The following IFT81 variants were observed in gnomAD, a reference collection of about 807,000 sequenced individuals.
IFT81 encodes the protein intraflagellar transport protein 81 homolog.
IFT81 carries 72 observed loss-of-function variants against 102.6 expected under a neutral mutation model. The observed-to-expected ratio is 0.70, with a 90% CI of 0.58 to 0.85. The LOEUF is 0.85. Among genes scored for constraint, IFT81 ranks in the 40% least tolerant of loss-of-function variants. The pLI, the probability that IFT81 is intolerant of heterozygous loss-of-function variation, is 0.00. For missense variants in IFT81, 723 were observed against 787.3 expected (o/e 0.92, Z 0.98); for synonymous variants, 237 against 242.7 (o/e 0.98, Z 0.22).
chr12:110,192,663 C>A lies in IFT81; in HGVS notation c.1514C>A (p.Ala505Asp). 1.3e-6 allele frequency: 2 copies of A among 1,590,656 alleles called. No individual in the cohort carries two copies. The highest frequency in any genetic ancestry group is 8.6e-7 in the Non-Finnish European group (1 of 1,169,154). ...SLVSEKKSAL[A>D]SVIKELRQLR... ...GTATCTGAAAAGAAGTCAGCTCTTG[C>A]CTCAGTTATAAAAGAGCTACGACAG... The change falls in exon 14 of 19, where the codon GCC becomes GAC. Residue 505 changes from alanine (A) to aspartate (D), a missense_variant. Ala to Asp is a moderately radical substitution (Grantham distance 126). Transcript: ENST00000242591.
At chr12:110,200,096 T>C (rs1898193950) in intron 14 of IFT81, among the ~76,000 whole-genome samples, 1 of 152,208 alleles carries the variant, frequency 6.6e-6, no homozygotes, top group South Asian at 2.1e-4. Context: ...TTCTTTTATT[T>C]CTTTGAGAGT....
At position 110,192,682 on chromosome 12, in the gene IFT81, A is replaced by G. The variant is rs1897849763; in HGVS notation, c.1533A>G (p.Leu511=). 2.5e-6 allele frequency: 4 copies of G among 1,584,956 alleles called. No individual in the cohort carries two copies. The highest frequency in any genetic ancestry group is 3.4e-6 in the Non-Finnish European group (4 of 1,164,608). Reference sequence around the variant, plus strand: ...CTCTTGCCTCAGTTATAAAAGAGCTACGACAGTTGCGTCAAAAATATCAAG... The same window carrying G: ...CTCTTGCCTCAGTTATAAAAGAGCTGCGACAGTTGCGTCAAAAATATCAAG... The part of the protein sequence containing the change: ...KSALASVIKE[L]RQLRQKYQEL... Residue 511 remains leucine (L), a synonymous_variant, in exon 14 of 19, where the codon CTA becomes CTG. Transcript: ENST00000242591.
chr12:110,204,107 G>T, intron 15 of IFT81, 157 bp downstream of exon 15: 1 of 567,442 alleles, frequency 1.8e-6, no homozygotes, highest in Non-Finnish European at 3.1e-6. Flanking sequence ...TCTAGCCTGG[G>T]CCACAGAGCA....
chr12:110,196,794 T>G (rs773481313), intron 14 of IFT81, among the ~76,000 whole-genome samples: 1 of 152,246 alleles, frequency 6.6e-6, no homozygotes, highest in Non-Finnish European at 1.5e-5. Flanking sequence ...AGAGTATTAT[T>G]TTGTCTACTA....
chr12:110,154,605 T>C (rs1895733336), intron 10 of IFT81, among the ~76,000 whole-genome samples: 1 of 139,462 alleles, frequency 7.2e-6, no homozygotes. Context: ...ACAGCCTGGG[T>C]GACAGAGCAA....
At chr12:110,158,229 A>T (rs955109051) in intron 10 of IFT81, among the ~76,000 whole-genome samples, 4 of 151,508 alleles carry the variant, frequency 2.6e-5, no homozygotes, top group Non-Finnish European at 5.9e-5. Context: ...TACAAAAATT[A>T]GCCATCACAC....
chr12:110,175,565 A>C (rs1429427771), intron 11 of IFT81, among the ~76,000 whole-genome samples: 1 of 152,194 alleles, frequency 6.6e-6, no homozygotes. Context: ...ATGTTTAGAA[A>C]TTTTTTAAAA....
chr12:110,183,714 C>A (rs953700068), intron 12 of IFT81, among the ~76,000 whole-genome samples: 2 of 152,182 alleles, frequency 1.3e-5, no homozygotes, highest in African/African-American at 4.8e-5. Flanking sequence ...CTTTCCTAGA[C>A]CTCCTTGTCC....
chr12:110,131,970 A>G (rs1053261349), intron 4 of IFT81, among the ~76,000 whole-genome samples: 3 of 152,216 alleles, frequency 2.0e-5, no homozygotes, highest in Admixed American at 2.0e-4. Flanking sequence ...ATGTTCAGGA[A>G]CTCAGACATC....
chr12:110,139,953 C>T (rs1270970213), intron 8 of IFT81, among the ~76,000 whole-genome samples: 1 of 151,052 alleles, frequency 6.6e-6, no homozygotes, highest in East Asian at 1.9e-4. Context: ...ATAGTCCTAG[C>T]TGTCCAGGAG....
intron 8 of IFT81, 29 bp from the exon 9 acceptor site, chr12:110,143,353 C>G (rs1004362483): frequency 2.2e-5 from 27 of 1,201,122 alleles, no homozygotes; most frequent in Non-Finnish European, 2.7e-5. Flanking sequence ...CTCTTTTGGG[C>G]TGAATATTTA....
intron 9 of IFT81, among the ~76,000 whole-genome samples, chr12:110,146,577 A>G (rs773054801): frequency 1.6e-4 from 25 of 152,240 alleles, no homozygotes; most frequent in African/African-American, 6.0e-4. Flanking sequence ...CTGTGTAATT[A>G]TATGTCATGA....
chr12:110,136,648 C>T (rs1317582080), intron 7 of IFT81, 128 bp from the exon 8 acceptor site: 15 of 443,648 alleles, frequency 3.4e-5, no homozygotes, highest in South Asian at 2.5e-4. Flanking sequence ...GGGAATTTTC[C>T]GAGTTCTTAT....
intron 12 of IFT81, among the ~76,000 whole-genome samples, chr12:110,186,570 G>C (rs1593351575): frequency 6.6e-6 from 1 of 152,142 alleles, no homozygotes; most frequent in Non-Finnish European, 1.5e-5. Context: ...CTGGAGTGCA[G>C]TGGTGTGATC....
At chr12:110,184,146 C>A (rs1304682658) in intron 12 of IFT81, among the ~76,000 whole-genome samples, 1 of 152,074 alleles carries the variant, frequency 6.6e-6, no homozygotes, top group Non-Finnish European at 1.5e-5. Flanking sequence ...GTCAGGAGAT[C>A]GAGACCATCT....
chr12:110,215,457 T>C (rs1406131619), intron 18 of IFT81, among the ~76,000 whole-genome samples: 1 of 77,674 alleles, frequency 1.3e-5, no homozygotes, highest in Non-Finnish European at 2.8e-5. Flanking sequence ...CTTCTTCTTT[T>C]TTTTTTTTTT....
chr12:110,202,255 T>TA (rs1898322509), intron 14 of IFT81, among the ~76,000 whole-genome samples: 1 of 152,212 alleles, frequency 6.6e-6, no homozygotes, highest in African/African-American at 2.4e-5. Flanking sequence ...ATGTGGTCCG[T>TA]TGTGACTGAA....
At chr12:110,196,043 T>C (rs1897986643) in intron 14 of IFT81, among the ~76,000 whole-genome samples, 1 of 152,224 alleles carries the variant, frequency 6.6e-6, no homozygotes, top group East Asian at 1.9e-4. Context: ...AAAAGCGGTG[T>C]TCTAAACTTC....
At chr12:110,169,275 C>A (rs1419011118) in intron 11 of IFT81, 1 of 152,066 alleles carries the variant, frequency 6.6e-6, no homozygotes, top group Non-Finnish European at 1.5e-5. Flanking sequence ...CAGTGGGAGA[C>A]AACTTTTAGA....
Sources: allele counts gnomAD v4.1 joint callset (sites outside exome capture counted in the v4.1 genomes callset), GRCh38; gene constraint gnomAD v4.1.1; transcripts MANE v1.5; gene names NCBI Gene and HGNC (gene_info 2026-07-23, HGNC 2026-07-21).